CORIN: variants seen among roughly 807,000 people sequenced by gnomAD.
CORIN encodes atrial natriuretic peptide-converting enzyme.
Under a neutral mutation model 125.3 loss-of-function variants are expected in CORIN, and 117 were observed. The observed-to-expected ratio is 0.93, with a 90% CI of 0.80 to 1.09. The LOEUF is 1.09. CORIN is among the 50% of genes least tolerant of loss of function. The pLI is 0.00. For synonymous variants in CORIN, 450 were observed against 466.4 expected (o/e 0.96, Z 0.45); for missense variants, 1,253 against 1,306.7 (o/e 0.96, Z 0.63).
chr4:47,757,867 C>CATATATTATGTATATATAT (rs1453930155), intron 4 of CORIN, among the ~76,000 whole-genome samples: 10 of 91,746 alleles, frequency 1.1e-4, no homozygotes, highest in Middle Eastern at 4.9e-3. Context: ...CATATATATA[C>CATATATTATGTATATATAT]ATATATATAT....
intron 6 of CORIN, among the ~76,000 whole-genome samples, chr4:47,684,251 T>C (rs1428028333): frequency 6.6e-6 from 1 of 152,194 alleles, no homozygotes. Context: ...ACAAATAAAA[T>C]AAGTCATTTA....
chr4:47,629,495 C>T (rs547379372), intron 16 of CORIN, among the ~76,000 whole-genome samples: 1 of 152,160 alleles, frequency 6.6e-6, no homozygotes, highest in South Asian at 2.1e-4. Context: ...AAAAGTAATA[C>T]TTGTACACAG....
chr4:47,642,639 G>A (rs1434091653), intron 15 of CORIN, among the ~76,000 whole-genome samples: 1 of 152,172 alleles, frequency 6.6e-6, no homozygotes, highest in Non-Finnish European at 1.5e-5. Flanking sequence ...GATGAGTGTG[G>A]GATGAGGAAA....
chr4:47,715,279 CCAA>C (rs1195262375), intron 5 of CORIN, among the ~76,000 whole-genome samples: 1 of 152,200 alleles, frequency 6.6e-6, no homozygotes, highest in East Asian at 1.9e-4. Flanking sequence ...ACCTATCTCT[CCAA>C]GAGATCATCC....
chr4:47,721,937 T>C (rs1199791936), intron 5 of CORIN, among the ~76,000 whole-genome samples: 1 of 152,252 alleles, frequency 6.6e-6, no homozygotes, highest in Non-Finnish European at 1.5e-5. Context: ...GAGTGCAGCA[T>C]GGCTTAAAAT....
At chr4:47,799,690 C>T (rs1007509142) in intron 2 of CORIN, among the ~76,000 whole-genome samples, 2 of 152,072 alleles carry the variant, frequency 1.3e-5, no homozygotes, top group African/African-American at 2.4e-5. Flanking sequence ...AGTTTGCCTA[C>T]ATATAAACAA....
chr4:47,632,725 T>TGATAGATAGATAGATGATA (rs1553905879), intron 16 of CORIN, among the ~76,000 whole-genome samples: 26 of 126,762 alleles, frequency 2.1e-4, no homozygotes, highest in African/African-American at 7.4e-4. Context: ...TGACAATAGA[T>TGATAGATAGATAGATGATA]GATAGATAGA....
intron 19 of CORIN, among the ~76,000 whole-genome samples, chr4:47,613,169 G>C (rs1475328803): frequency 6.6e-6 from 1 of 152,132 alleles, no homozygotes; most frequent in Non-Finnish European, 1.5e-5. Context: ...AAAGATTTCA[G>C]AGCAGGTGAG....
chr4:47,650,995 G>A (rs185633227), intron 13 of CORIN, among the ~76,000 whole-genome samples: 4 of 152,316 alleles, frequency 2.6e-5, no homozygotes, highest in East Asian at 3.9e-4. Context: ...AAGAGCTGGA[G>A]ACATTTAAGA....
intron 1 of CORIN, among the ~76,000 whole-genome samples, chr4:47,811,783 T>A (rs1426807313): frequency 2.6e-5 from 4 of 152,246 alleles, no homozygotes; most frequent in African/African-American, 4.8e-5. Context: ...AGTATTTTTG[T>A]ACATACAGTT....
At chr4:47,752,676 T>A (rs1728955970) in intron 4 of CORIN, among the ~76,000 whole-genome samples, 1 of 152,164 alleles carries the variant, frequency 6.6e-6, no homozygotes, top group Admixed American at 6.5e-5. Flanking sequence ...CCTCTTAAAA[T>A]ACAGAAACTT....
chr4:47,646,860 A>G lies in CORIN; in HGVS notation c.1844-1666T>C, dbSNP rs558461333. Among the ~76,000 whole-genome samples the G allele has an allele frequency of 2.2e-3, 341 of 152,332 alleles. 2 individuals are homozygous for G. Among genetic ancestry groups the G allele is most frequent in the African/African-American group, 7.9e-3 (327 of 41,578 alleles). On this transcript the variant is annotated intron_variant, in intron 13 of 21. Transcript: ENST00000273857. ...CTAACCTACTACAAATAAGTCGAAT[A>G]AATTATGTAGATGATTGACTCAGGT...
intron 8 of CORIN, 134 bp from the exon 9 acceptor site, chr4:47,678,188 T>C: frequency 1.5e-6 from 1 of 661,000 alleles, no homozygotes; most frequent in South Asian, 1.9e-5. Flanking sequence ...GAACATATCA[T>C]TGATTTTATT....
intron 19 of CORIN, 138 bp from the exon 20 acceptor site, chr4:47,603,806 G>C: frequency 1.1e-6 from 1 of 934,336 alleles, no homozygotes; most frequent in Non-Finnish European, 1.6e-6. Flanking sequence ...CATATAAGTG[G>C]CATTTATATA....
intron 5 of CORIN, among the ~76,000 whole-genome samples, chr4:47,721,223 G>C (rs887321453): frequency 1.3e-5 from 2 of 151,716 alleles, no homozygotes; most frequent in Non-Finnish European, 2.9e-5. Flanking sequence ...CTTCTTCTAG[G>C]AGCACTTCTA....
chr4:47,602,431 C>A (rs549706261), intron 20 of CORIN, among the ~76,000 whole-genome samples: 221 of 152,246 alleles, frequency 1.5e-3, no homozygotes, highest in African/African-American at 5.2e-3. Context: ...CTATTTTAAT[C>A]AATTTAAATA....
intron 2 of CORIN, among the ~76,000 whole-genome samples, chr4:47,806,094 G>A (rs910011205): frequency 6.6e-6 from 1 of 151,772 alleles, no homozygotes; most frequent in Non-Finnish European, 1.5e-5. Context: ...CTTGGTTTCT[G>A]GTTTTTACTT....
chr4:47,687,115 T>C (rs1318027509), intron 6 of CORIN, among the ~76,000 whole-genome samples: 1 of 152,234 alleles, frequency 6.6e-6, no homozygotes, highest in Non-Finnish European at 1.5e-5. Flanking sequence ...TATTATAACT[T>C]GCTTGGTTAG....
intron 5 of CORIN, among the ~76,000 whole-genome samples, chr4:47,712,745 A>G (rs994282792): frequency 4.6e-5 from 7 of 152,244 alleles, no homozygotes; most frequent in Non-Finnish European, 8.8e-5. Flanking sequence ...AACAAACTGC[A>G]TAAAATATTA....
Sources: gnomAD v4.1 joint callset for allele counts (sites outside exome capture counted in the v4.1 genomes callset) on GRCh38, gnomAD v4.1.1 for gene constraint, MANE v1.5 for transcripts, NCBI Gene and HGNC (gene_info 2026-07-23, HGNC 2026-07-21) for gene names.